Variants in BYSL observed in about 807,000 individuals in gnomAD.
BYSL encodes the protein bystin.
BYSL carries 21 observed loss-of-function variants against 45.4 expected under a neutral mutation model. That is an observed-to-expected ratio of 0.46 (90% CI 0.33 to 0.67). The LOEUF (loss-of-function observed/expected upper bound fraction) is 0.67. Ranked by LOEUF, BYSL falls within the 30% of genes least tolerant of loss-of-function variation. BYSL has a pLI of 0.02. For missense variants in BYSL, 522 were observed against 578.5 expected (o/e 0.90, Z 1.00); for synonymous variants, 215 against 231.3 (o/e 0.93, Z 0.64).
chr6:41,927,093 CA>C (rs79860520), intron 1 of BYSL, among the ~76,000 whole-genome samples: 2,039 of 93,162 alleles, frequency 0.022, 27 homozygotes, highest in Admixed American at 0.068. Flanking sequence ...GACTCCATTT[CA>C]AAAAAAAAAA....
upstream of BYSL, chr6:41,916,816 G>C (rs1775326498): frequency 1.2e-6 from 2 of 1,613,950 alleles, no homozygotes; most frequent in Admixed American, 1.7e-5. Flanking sequence ...CGGCCGTATG[G>C]TAAGTCTCAC....
chr6:41,910,654 A>C, the BYSL span, among the ~76,000 whole-genome samples: 1 of 151,800 alleles, frequency 6.6e-6, no homozygotes, highest in Admixed American at 6.6e-5. Context: ...AGAAAAAAAA[A>C]GGTAAAAACT....
intron 2 of BYSL, among the ~76,000 whole-genome samples, chr6:41,928,348 C>T (rs547683706): frequency 6.6e-6 from 1 of 152,258 alleles, no homozygotes; most frequent in South Asian, 2.1e-4. Context: ...TATAAAAGGA[C>T]AGGGAGGCTG....
the BYSL span, among the ~76,000 whole-genome samples, chr6:41,912,727 G>T: frequency 6.6e-6 from 1 of 152,090 alleles, no homozygotes; most frequent in Non-Finnish European, 1.5e-5. Flanking sequence ...GCAGAACCAG[G>T]TTTACTATCC....
chr6:41,917,976 C>G, upstream of BYSL: 1 of 268,166 alleles, frequency 3.7e-6, no homozygotes, highest in Non-Finnish European at 8.4e-6. Flanking sequence ...TGAGAGGCAA[C>G]AGTATTCACG....
Position 41,932,561 on chromosome 6 carries a change from A to G in BYSL, c.1169A>G (p.Lys390Arg). 2 of 1,614,220 alleles carry G rather than the reference A, an allele frequency of 1.2e-6. No individual in the cohort carries two copies. Among genetic ancestry groups the G allele is most frequent in the African/African-American group, 1.3e-5 (1 of 75,052 alleles). The change falls in exon 7 of 7, where the codon AAG (lysine) becomes AGG (arginine). Residue 390 changes from lysine to arginine, a missense_variant. Coordinates refer to ENST00000230340, the MANE Select transcript of BYSL (RefSeq NM_004053.4). The surrounding 1 kb of genome is among the most constrained non-coding windows in gnomAD (Gnocchi z 4.7). Reference sequence around the variant, plus strand: ...CTCCTGACTTTGGTCCAGCGCTACAAGGCCGACTTGGCCACAGACCAGAAA... The same window carrying G: ...CTCCTGACTTTGGTCCAGCGCTACAGGGCCGACTTGGCCACAGACCAGAAA... ...QCLLTLVQRY[K>R]ADLATDQKEA...
the BYSL span, among the ~76,000 whole-genome samples, chr6:41,910,727 A>G: frequency 6.6e-6 from 1 of 152,012 alleles, no homozygotes; most frequent in Non-Finnish European, 1.5e-5. Context: ...ACAATCCCAC[A>G]TGCTTATTAC....
At chr6:41,921,179 T>G, upstream of BYSL, 1 of 923,522 alleles carries the variant, frequency 1.1e-6, no homozygotes. Flanking sequence ...CCCCAAGGAA[T>G]GGGGCGTGTC....
At chr6:41,925,071 G>A (rs10947996) in intron 1 of BYSL, among the ~76,000 whole-genome samples, 1 of 151,838 alleles carries the variant, frequency 6.6e-6, no homozygotes, top group Non-Finnish European at 1.5e-5. Context: ...AGTTGATAAC[G>A]GGTGAGATTT....
chr6:41,927,273 A>G, intron 1 of BYSL, 101 bp from the exon 2 acceptor site: 2 of 1,419,744 alleles, frequency 1.4e-6, no homozygotes, highest in South Asian at 2.6e-5. Context: ...GTCTATCACA[A>G]CCACATGTGA....
the BYSL span, chr6:41,909,110 GC>G: frequency 1.1e-6 from 1 of 938,758 alleles, no homozygotes; most frequent in Non-Finnish European, 1.6e-6. Context: ...GGAGGTCGAG[GC>G]TACAGTGTGC....
At chr6:41,923,779 A>C (rs1029929594) in intron 1 of BYSL, among the ~76,000 whole-genome samples, 1 of 152,048 alleles carries the variant, frequency 6.6e-6, no homozygotes, top group Non-Finnish European at 1.5e-5. Flanking sequence ...GGGGATTACA[A>C]TGGTCTACAA....
chr6:41,928,578 T>C (rs947814807), intron 2 of BYSL, among the ~76,000 whole-genome samples: 2 of 152,132 alleles, frequency 1.3e-5, no homozygotes, highest in Non-Finnish European at 2.9e-5. Flanking sequence ...TTGTAGTAAA[T>C]AGAGTAGACA....
At chr6:41,908,953 TGGGA>T in the BYSL span, 1 of 393,938 alleles carries the variant, frequency 2.5e-6, no homozygotes, top group African/African-American at 2.0e-5. Context: ...GGGGCTGAGA[TGGGA>T]GGATCAATTG....
intron 5 of BYSL, 47 bp downstream of exon 5, chr6:41,931,603 T>G (rs773466899): frequency 6.2e-7 from 1 of 1,613,524 alleles, no homozygotes; most frequent in Non-Finnish European, 8.5e-7. Context: ...GGAGCTTCTA[T>G]GGGGAACACA....
In BYSL at chr6:41,930,125, C is replaced by G. The variant is rs772137406; in HGVS notation, c.432-7C>G. ...CTCTCCCCTCCTCTTGGCACTTCCC[C>G]TCTTAGGCGCACCCTGGCTGACATC... is the stretch of plus-strand genomic sequence containing the variant. On this transcript the variant is annotated splice_polypyrimidine_tract_variant and splice_region_variant and intron_variant, in intron 2 of 6. Coordinates refer to ENST00000230340, the MANE Select transcript of BYSL (RefSeq NM_004053.4). 3 of 1,613,988 alleles carry G rather than the reference C, an allele frequency of 1.9e-6. No homozygotes were observed. The highest frequency in any genetic ancestry group is 2.5e-6 in the Non-Finnish European group (3 of 1,179,996).
rs990241573 is a variant in BYSL, at chr6:41,932,895, C to G, written c.*189C>G. 3 of 645,840 alleles carry G rather than the reference C, an allele frequency of 4.6e-6. No homozygotes were observed. In the South Asian group the frequency reaches 6.1e-5, roughly 13 times the overall value. The allele number at this position is 645,840 out of a possible 1,614,324, so 40.0% of individuals were successfully genotyped here. A position where few individuals can be genotyped will look rare whatever the true frequency, so the allele number is the denominator to read the frequency against. ...GGTCTGGCTGGTTCCCTCTTCCATT[C>G]TAGGCCCTTATCCCTGTTTAGTTCT... is the stretch of plus-strand genomic sequence containing the variant. On this transcript the variant is annotated 3_prime_UTR_variant, in exon 7 of 7. Coordinates refer to ENST00000230340, the MANE Select transcript of BYSL (RefSeq NM_004053.4). This position sits in a 1 kb window ranked among gnomAD's most constrained non-coding sequence, Gnocchi z 4.7.
chr6:41,919,663 C>T (rs1254409283), upstream of BYSL, among the ~76,000 whole-genome samples: 1 of 152,092 alleles, frequency 6.6e-6, no homozygotes, highest in Non-Finnish European at 1.5e-5. Flanking sequence ...GGCACGGTGG[C>T]TCATGTCTAT....
the BYSL span, among the ~76,000 whole-genome samples, chr6:41,911,980 T>TA: frequency 6.6e-6 from 1 of 152,108 alleles, no homozygotes; most frequent in Admixed American, 6.5e-5. Context: ...AAAAGTCAAC[T>TA]AAGGGGTGTG....
Sources: gnomAD v4.1 joint callset for allele counts (sites outside exome capture counted in the v4.1 genomes callset) on GRCh38, gnomAD v4.1.1 for gene constraint, Gnocchi (gnomAD v3.1) non-coding constraint, MANE v1.5 for transcripts, NCBI Gene and HGNC (gene_info 2026-07-23, HGNC 2026-07-21) for gene names.